ELP4: variants seen among roughly 807,000 people sequenced by gnomAD.
ELP4 encodes the protein elongator acetyltransferase complex subunit 4.
Under a neutral mutation model 48.9 loss-of-function variants are expected in ELP4, and 51 were observed. The observed-to-expected ratio is 1.04, with a 90% CI of 0.83 to 1.32. The LOEUF is 1.32. Among genes scored for constraint, ELP4 ranks in the 40% most tolerant of loss-of-function variants. The pLI, the probability that ELP4 is intolerant of heterozygous loss-of-function variation, is 0.00. For missense variants in ELP4, 519 were observed against 514.6 expected, an observed-to-expected ratio of 1.01 and a Z score of -0.08; for synonymous variants, 210 against 189.2, an observed-to-expected ratio of 1.11 and a Z score of -0.90.
At chr11:31,741,039 C>A (rs923673206) in intron 9 of ELP4, among the ~76,000 whole-genome samples, 1 of 151,656 alleles carries the variant, frequency 6.6e-6, no homozygotes, top group Non-Finnish European at 1.5e-5. Flanking sequence ...TCACTCCCAC[C>A]CTAATACTGC....
At chr11:31,629,323 A>G (rs1326251146) in intron 6 of ELP4, among the ~76,000 whole-genome samples, 1 of 151,980 alleles carries the variant, frequency 6.6e-6, no homozygotes, top group African/African-American at 2.4e-5. Context: ...GCCACACAGT[A>G]TGCCCCATTA....
intron 7 of ELP4, chr11:31,633,819 A>G (rs1001805052): frequency 1.4e-4 from 22 of 152,166 alleles, no homozygotes; most frequent in African/African-American, 5.1e-4. Flanking sequence ...GCCATGTACT[A>G]CATCCCAAGC....
In ELP4 at chr11:31,787,718, G is replaced by A. The variant is rs1348698377; in HGVS notation, c.*4194G>A. On this transcript the variant is annotated 3_prime_UTR_variant, in exon 10 of 10. Coordinates refer to ENST00000640961, the MANE Select transcript of ELP4 (RefSeq NM_019040.5). Reference sequence around the variant, plus strand: ...CATACAAAAACTGCAACTTAGGAAGGTGTCTCCAAATGTGCAGCAACTCTG... The same window carrying A: ...CATACAAAAACTGCAACTTAGGAAGATGTCTCCAAATGTGCAGCAACTCTG... 1 of 230,178 alleles carries A rather than the reference G, an allele frequency of 4.3e-6. No individual in the cohort carries two copies. The highest frequency in any genetic ancestry group is 8.6e-6 in the Non-Finnish European group (1 of 116,130). 14.3% of individuals were successfully genotyped at this position (230,178 alleles called of 1,614,324 possible).
Position 31,539,563 on chromosome 11 carries a change from GA to G in ELP4, c.260-91del, listed in dbSNP as rs144137362. ...TTCCACCTCATATACTTGTTTTAAG[GA>G]AAAAAAATATAAAAACATATGAGTG... On this transcript the variant is annotated intron_variant, in intron 2 of 9. Transcript: ENST00000640961. The G allele has an allele frequency of 5.5e-3, 7,038 of 1,279,424 alleles. 277 individuals are homozygous for G. In the African/African-American group the frequency reaches 0.091, roughly 17 times the overall value. The allele number at this position is 1,279,424 out of a possible 1,614,324, so 79.3% of individuals were successfully genotyped here. A position where few individuals can be genotyped will look rare whatever the true frequency, so the allele number is the denominator to read the frequency against.
At chr11:31,763,865 G>A (rs113252042) in intron 9 of ELP4, among the ~76,000 whole-genome samples, 1,691 of 151,928 alleles carry the variant, frequency 0.011, 18 homozygotes, top group Non-Finnish European at 0.017. Context: ...TTGTGTAGGT[G>A]TGCACAGGTA....
In ELP4 at chr11:31,786,949, C is replaced by T. The variant is rs3026399; in HGVS notation, c.*3425C>T. ...CTACTGAAGTCTTCACAAATAATCT[C>T]CATCCTGGAAGATGGTGTCAAAACA... On this transcript the variant is annotated 3_prime_UTR_variant, in exon 10 of 10. Coordinates refer to ENST00000640961, the MANE Select transcript of ELP4 (RefSeq NM_019040.5). 2,099 of 219,562 alleles carry T rather than the reference C, an allele frequency of 9.6e-3. 21 individuals carry two copies. Among genetic ancestry groups the T allele is most frequent in the Middle Eastern group, 0.035 (25 of 708 alleles). 13.6% of individuals were successfully genotyped at this position (219,562 alleles called of 1,614,324 possible).
intron 9 of ELP4, among the ~76,000 whole-genome samples, chr11:31,731,688 G>A (rs1234806409): frequency 6.6e-6 from 1 of 151,758 alleles, no homozygotes; most frequent in African/African-American, 2.4e-5. Flanking sequence ...GGCTGGAAAT[G>A]TATATCCAAA....
chr11:31,672,014 T>C (rs1217382780), intron 9 of ELP4, among the ~76,000 whole-genome samples: 2 of 151,954 alleles, frequency 1.3e-5, no homozygotes, highest in African/African-American at 4.8e-5. Context: ...CTGCTTAGTG[T>C]TCATTTTTGT....
At chr11:31,780,960 AC>A (rs1305223405) in intron 9 of ELP4, among the ~76,000 whole-genome samples, 18 of 152,052 alleles carry the variant, frequency 1.2e-4, no homozygotes, top group Non-Finnish European at 2.6e-4. Context: ...CCAGATCCCT[AC>A]CCCATAAAGC....
intron 7 of ELP4, among the ~76,000 whole-genome samples, chr11:31,643,916 A>G (rs1423851972): frequency 1.3e-5 from 2 of 151,848 alleles, no homozygotes; most frequent in Non-Finnish European, 2.9e-5. Context: ...CATTTGACAT[A>G]TTTTAAATTT....
At chr11:31,694,045 G>T (rs1384781583) in intron 9 of ELP4, among the ~76,000 whole-genome samples, 4 of 152,168 alleles carry the variant, frequency 2.6e-5, no homozygotes, top group Non-Finnish European at 5.9e-5. Context: ...TGAGTTCTTT[G>T]TAGATTCTGG....
intron 3 of ELP4, among the ~76,000 whole-genome samples, chr11:31,574,414 T>A (rs1380946367): frequency 2.0e-5 from 3 of 152,182 alleles, no homozygotes; most frequent in African/African-American, 7.2e-5. Flanking sequence ...AACCTCCCTG[T>A]CTGACAGCTT....
At chr11:31,783,253 T>C (rs934040571) in intron 9 of ELP4, 140 bp from the exon 10 acceptor site, 11 of 698,370 alleles carry the variant, frequency 1.6e-5, no homozygotes, top group Non-Finnish European at 2.5e-5. Flanking sequence ...TGAAGAATTG[T>C]TTTAGCAGGA....
At chr11:31,743,103 A>G (rs947831013) in intron 9 of ELP4, among the ~76,000 whole-genome samples, 4 of 152,176 alleles carry the variant, frequency 2.6e-5, no homozygotes, top group Non-Finnish European at 4.4e-5. Flanking sequence ...TTGCAATCCT[A>G]CTCTCTGATA....
intron 3 of ELP4, among the ~76,000 whole-genome samples, chr11:31,558,862 T>C (rs930895267): frequency 2.0e-5 from 3 of 152,162 alleles, no homozygotes; most frequent in African/African-American, 7.2e-5. Context: ...TAGCACTTTG[T>C]CATCATTGAA....
At chr11:31,511,721 C>T (rs766705254) in intron 1 of ELP4, 2 of 152,122 alleles carry the variant, frequency 1.3e-5, no homozygotes, top group Non-Finnish European at 2.9e-5. Context: ...TATTGAACCT[C>T]GGATTAATGA....
At chr11:31,693,130 G>A (rs1026120647) in intron 9 of ELP4, among the ~76,000 whole-genome samples, 6 of 151,934 alleles carry the variant, frequency 3.9e-5, no homozygotes, top group African/African-American at 1.4e-4. Flanking sequence ...GTAACGTGCT[G>A]AATGGAAATA....
At chr11:31,613,726 T>A (rs952119986) in intron 5 of ELP4, among the ~76,000 whole-genome samples, 1 of 150,816 alleles carries the variant, frequency 6.6e-6, no homozygotes, top group Non-Finnish European at 1.5e-5. Context: ...CTTTTTTTTT[T>A]TTTTTTTGAG....
chr11:31,509,778 C>G lies in ELP4; in HGVS notation c.-7C>G, dbSNP rs1267226286. 5.6e-6 allele frequency: 9 copies of G among 1,613,664 alleles called. No individual in the cohort carries two copies. The South Asian group carries it at 8.8e-5, about 16-fold the overall frequency. ...GTTCCTATTGGGTTAACACTGGAGG[C>G]TCTAAGATGGCGGCAGTGGCAACCT... On this transcript the variant is annotated 5_prime_UTR_variant, in exon 1 of 10. Transcript: ENST00000640961.
Sources: allele counts gnomAD v4.1 joint callset (sites outside exome capture counted in the v4.1 genomes callset), GRCh38; gene constraint gnomAD v4.1.1; transcripts MANE v1.5; gene names NCBI Gene and HGNC (gene_info 2026-07-23, HGNC 2026-07-21).